The following LUZP1 variants were observed in gnomAD, a reference collection of about 807,000 sequenced individuals.
The protein encoded by LUZP1 is filamin mechanobinding actin cross-linking protein.
A neutral mutation model predicts 71.3 loss-of-function variants in LUZP1; 25 were observed. The observed-to-expected ratio is 0.35, with a 90% CI of 0.26 to 0.49. The LOEUF (loss-of-function observed/expected upper bound fraction) is 0.49. LUZP1 is among the 20% of genes least tolerant of loss of function. The probability of loss-of-function intolerance (pLI) is 0.99; values close to 1 mark genes in which losing one functional copy is unlikely to be tolerated. For synonymous variants in LUZP1, 481 were observed against 506.4 expected (o/e 0.95, Z 0.67); for missense variants, 1,142 against 1,300.8 (o/e 0.88, Z 1.88).
intron 3 of LUZP1, among the ~76,000 whole-genome samples, chr1:23,102,827 A>G (rs1643942128): frequency 1.3e-5 from 2 of 152,214 alleles, no homozygotes; most frequent in African/African-American, 2.4e-5. Context: ...TTAAAAAGCA[A>G]AAGACAGTGG....
chr1:23,126,127 C>T (rs1040772868), intron 2 of LUZP1, among the ~76,000 whole-genome samples: 1 of 152,146 alleles, frequency 6.6e-6, no homozygotes, highest in Admixed American at 6.5e-5. Context: ...TATACGTCTT[C>T]TGGAATGGTA....
At chr1:23,138,374 T>C (rs983147609) in intron 2 of LUZP1, among the ~76,000 whole-genome samples, 9 of 152,152 alleles carry the variant, frequency 5.9e-5, no homozygotes, top group East Asian at 1.9e-4. Flanking sequence ...GAAAACACTA[T>C]AGCAAATGAA....
At chr1:23,164,498 A>G (rs1266700516) in intron 2 of LUZP1, among the ~76,000 whole-genome samples, 1 of 152,134 alleles carries the variant, frequency 6.6e-6, no homozygotes, top group Admixed American at 6.6e-5. Flanking sequence ...TCTCAAAAAA[A>G]AAAAACACAG....
At chr1:23,139,245 T>C (rs1428499157) in intron 2 of LUZP1, among the ~76,000 whole-genome samples, 1 of 151,628 alleles carries the variant, frequency 6.6e-6, no homozygotes, top group Non-Finnish European at 1.5e-5. Flanking sequence ...TCAGTATCTA[T>C]TGAGCAAGGC....
chr1:23,085,982 TA>T (rs918425282), exon 5 of LUZP1: 3 of 152,168 alleles, frequency 2.0e-5, no homozygotes, highest in Non-Finnish European at 4.4e-5. Flanking sequence ...CACCTGCCAG[TA>T]AAATTTAAGA....
intron 3 of LUZP1, among the ~76,000 whole-genome samples, chr1:23,105,568 G>A (rs1330349772): frequency 6.6e-6 from 1 of 152,164 alleles, no homozygotes; most frequent in Non-Finnish European, 1.5e-5. Flanking sequence ...GAATTGCTTA[G>A]ACTAGTACCT....
intron 3 of LUZP1, among the ~76,000 whole-genome samples, chr1:23,100,922 T>C (rs954893225): frequency 6.6e-6 from 1 of 152,162 alleles, no homozygotes; most frequent in African/African-American, 2.4e-5. Context: ...CTGTGCTTTT[T>C]CCAGCAGTTT....
chr1:23,149,513 C>T (rs1284398734), intron 2 of LUZP1, among the ~76,000 whole-genome samples: 1 of 151,800 alleles, frequency 6.6e-6, no homozygotes, highest in Non-Finnish European at 1.5e-5. Flanking sequence ...AATATTGCAG[C>T]GATATTAAGG....
chr1:23,094,411 C>A lies in LUZP1; in HGVS notation c.-119-31G>T. 1 of 1,403,636 alleles carries A rather than the reference C, an allele frequency of 7.1e-7. No homozygotes were observed. Among genetic ancestry groups the A allele is most frequent in the Non-Finnish European group, 9.2e-7 (1 of 1,083,478 alleles). 86.9% of individuals were successfully genotyped at this position (1,403,636 alleles called of 1,614,324 possible). A position where few individuals can be genotyped will look rare whatever the true frequency, so the allele number is the denominator to read the frequency against. On this transcript the variant is annotated intron_variant, in intron 3 of 4. Coordinates refer to ENST00000302291, the Ensembl canonical transcript of LUZP1. This position sits in a 1 kb window ranked among gnomAD's most constrained non-coding sequence, Gnocchi z 4.7. ...AAAGGAAAGTAGAAAGCATGTCAGTCAGCAAATGTAAAACCTGCACGTTAG... is the reference window on the plus strand; with the variant it reads ...AAAGGAAAGTAGAAAGCATGTCAGTAAGCAAATGTAAAACCTGCACGTTAG...
exon 5 of LUZP1, chr1:23,088,694 T>G (rs1643804811): frequency 3.4e-6 from 2 of 593,048 alleles, no homozygotes; most frequent in Non-Finnish European, 5.7e-6. Flanking sequence ...AGGTTGGGCC[T>G]GGGTGACTGT....
intron 2 of LUZP1, among the ~76,000 whole-genome samples, chr1:23,143,411 C>A (rs1445168274): frequency 6.6e-6 from 1 of 152,108 alleles, no homozygotes; most frequent in East Asian, 1.9e-4. Context: ...AAATAGTGGG[C>A]AAAATACAAC....
chr1:23,112,372 G>C (rs1034841770), intron 2 of LUZP1, among the ~76,000 whole-genome samples: 1 of 152,096 alleles, frequency 6.6e-6, no homozygotes, highest in Non-Finnish European at 1.5e-5. Context: ...ATGTGTGTAC[G>C]TGTCTGTCTG....
chr1:23,087,546 T>C (rs958839408), exon 5 of LUZP1: 1 of 152,614 alleles, frequency 6.6e-6, no homozygotes, highest in African/African-American at 2.4e-5. Context: ...CTTACCAGAC[T>C]GGTAGTTTAA....
intron 2 of LUZP1, among the ~76,000 whole-genome samples, chr1:23,116,639 AAAAG>A (rs2124654542): frequency 6.6e-6 from 1 of 152,146 alleles, no homozygotes; most frequent in African/African-American, 2.4e-5. Flanking sequence ...AAAAGAAAAG[AAAAG>A]AAAGAAAAGT....
At chr1:23,129,917 T>A (rs1161524162) in intron 2 of LUZP1, among the ~76,000 whole-genome samples, 1 of 152,160 alleles carries the variant, frequency 6.6e-6, no homozygotes, top group Non-Finnish European at 1.5e-5. Flanking sequence ...ATTATAAATA[T>A]TATAAATAAA....
At chr1:23,142,450 T>C (rs1644310587) in intron 2 of LUZP1, among the ~76,000 whole-genome samples, 1 of 152,216 alleles carries the variant, frequency 6.6e-6, no homozygotes, top group South Asian at 2.1e-4. Context: ...GCCTCCCACT[T>C]TGAAAGCACA....
intron 4 of LUZP1, 151 bp from the exon 4 acceptor site, chr1:23,089,204 G>T: frequency 1.4e-6 from 1 of 697,966 alleles, no homozygotes; most frequent in Non-Finnish European, 2.4e-6. Context: ...ATATGCTTTT[G>T]CCTGAGTATG....
intron 2 of LUZP1, chr1:23,140,278 TG>T (rs1644292135): frequency 6.6e-6 from 1 of 152,114 alleles, no homozygotes; most frequent in African/African-American, 2.4e-5. Context: ...GCTACTCACA[TG>T]GGTGGAAGAA....
chr1:23,161,270 A>AT (rs1644462185), intron 2 of LUZP1, among the ~76,000 whole-genome samples: 2 of 152,232 alleles, frequency 1.3e-5, no homozygotes, highest in Non-Finnish European at 2.9e-5. Context: ...AATAGGTGCT[A>AT]TGAAAGGAGG....
Sources: allele counts gnomAD v4.1 joint callset (sites outside exome capture counted in the v4.1 genomes callset), GRCh38; gene constraint gnomAD v4.1.1; non-coding constraint Gnocchi (gnomAD v3.1); transcripts MANE v1.5; gene names NCBI Gene and HGNC (gene_info 2026-07-23, HGNC 2026-07-21).